FBXO25: variants seen among roughly 807,000 people sequenced by gnomAD.
FBXO25 encodes the protein F-box protein 25, also known as F-box only protein 25.
A neutral mutation model predicts 51.9 loss-of-function variants in FBXO25; 45 were observed. The observed-to-expected ratio is 0.87, with a 90% CI of 0.68 to 1.11. FBXO25 has a LOEUF of 1.11. Ranked by LOEUF, FBXO25 falls within the 50% of genes most tolerant of loss-of-function variation. The pLI is 0.00. For missense variants in FBXO25, 507 were observed against 428.5 expected (o/e 1.18, Z -1.62); for synonymous variants, 199 against 151.0 (o/e 1.32, Z -2.33).
Position 471,148 on chromosome 8 carries a change from T to C in FBXO25, c.*2344T>C, listed in dbSNP as rs1411003568. 2 of 152,214 alleles carry C rather than the reference T, an allele frequency of 1.3e-5. No homozygotes were observed. Among genetic ancestry groups the C allele is most frequent in the African/African-American group, 4.8e-5 (2 of 41,446 alleles). The allele number at this position is 152,214 out of a possible 1,614,324, so 9.4% of individuals were successfully genotyped here. A position where few individuals can be genotyped will look rare whatever the true frequency, so the allele number is the denominator to read the frequency against. On this transcript the variant is annotated 3_prime_UTR_variant, in exon 10 of 10. Coordinates refer to ENST00000350302, the MANE Select transcript of FBXO25 (RefSeq NM_183420.2). ...CAGCTGTTCTGCTGGGCTGGCATAT[T>C]TCCACAGGCCATGGACACAGCTAGC...
chr8:421,183 G>T (rs1053072603), intron 2 of FBXO25, among the ~76,000 whole-genome samples: 1 of 152,204 alleles, frequency 6.6e-6, no homozygotes, highest in Non-Finnish European at 1.5e-5. Context: ...AACTGTGTAT[G>T]TGAATGATCT....
intron 4 of FBXO25, 188 bp from the exon 5 acceptor site, chr8:435,427 C>T (rs1798046169): frequency 2.9e-6 from 2 of 687,290 alleles, no homozygotes; most frequent in Admixed American, 3.4e-5. Context: ...CTCAGGTATA[C>T]ATAAACAGCT....
At chr8:452,929 T>C (rs982810648) in intron 7 of FBXO25, among the ~76,000 whole-genome samples, 2 of 152,140 alleles carry the variant, frequency 1.3e-5, no homozygotes, top group African/African-American at 2.4e-5. Context: ...GGATCTTCTT[T>C]CCATTCATAC....
At chr8:433,148 C>T (rs1797913202) in intron 4 of FBXO25, among the ~76,000 whole-genome samples, 1 of 151,896 alleles carries the variant, frequency 6.6e-6, no homozygotes, top group Non-Finnish European at 1.5e-5. Flanking sequence ...TGGTATGTGG[C>T]TGTGTATTTG....
chr8:449,492 G>A (rs1798943342), intron 5 of FBXO25, among the ~76,000 whole-genome samples: 1 of 152,206 alleles, frequency 6.6e-6, no homozygotes, highest in Admixed American at 6.5e-5. Context: ...ATACAAAATG[G>A]TATTTAACAA....
intron 2 of FBXO25, among the ~76,000 whole-genome samples, chr8:423,120 C>T (rs566373305): frequency 1.2e-4 from 17 of 147,336 alleles, no homozygotes; most frequent in African/African-American, 3.7e-4. Flanking sequence ...CTCTTTTTCC[C>T]ATACTAAATT....
chr8:418,636 G>A (rs1326824872), intron 2 of FBXO25, among the ~76,000 whole-genome samples: 1 of 151,864 alleles, frequency 6.6e-6, no homozygotes, highest in Non-Finnish European at 1.5e-5. Context: ...CACCGTTCCC[G>A]GCTTGTTTCT....
intron 9 of FBXO25, among the ~76,000 whole-genome samples, chr8:465,802 A>G (rs1800117545): frequency 1.3e-5 from 2 of 152,204 alleles, no homozygotes; most frequent in Non-Finnish European, 2.9e-5. Flanking sequence ...TTTGGATTAC[A>G]GGTGCTCCAT....
chr8:454,784 G>C (rs566560349), intron 7 of FBXO25, among the ~76,000 whole-genome samples: 1 of 151,824 alleles, frequency 6.6e-6, no homozygotes, highest in South Asian at 2.1e-4. Flanking sequence ...CCAGCTACTT[G>C]GGAGGCTGAG....
At chr8:411,883 G>T (rs1188293676) in intron 1 of FBXO25, among the ~76,000 whole-genome samples, 4 of 152,174 alleles carry the variant, frequency 2.6e-5, no homozygotes, top group Non-Finnish European at 5.9e-5. Flanking sequence ...CTGTGTATGA[G>T]AATCACCTGT....
intron 8 of FBXO25, among the ~76,000 whole-genome samples, chr8:462,197 A>G (rs1250828509): frequency 6.6e-6 from 1 of 152,202 alleles, no homozygotes; most frequent in Non-Finnish European, 1.5e-5. Flanking sequence ...TCTAGTGGGC[A>G]GGAAGTGGGT....
rs1799645127 is a variant in FBXO25, at chr8:459,130, G to A, written c.843+579G>A. 1.3e-5 allele frequency among the ~76,000 whole-genome samples: 2 copies of A among 152,230 alleles called. 1 individual carries two copies. The highest frequency in any genetic ancestry group is 1.3e-4 in the Admixed American group (2 of 15,290). On this transcript the variant is annotated intron_variant, in intron 8 of 9. Transcript: ENST00000350302. ...CTGTGGTCCCTGTTCCTGGGCCTCT[G>A]CAGAAACTGGGGGTTCCCCTCGTCA...
At chr8:431,568 G>C (rs373891559) in intron 3 of FBXO25, 124 bp downstream of exon 3, 16 of 524,702 alleles carry the variant, frequency 3.0e-5, no homozygotes, top group Non-Finnish European at 4.6e-5. Context: ...CCAGTATCCA[G>C]CATTGCCTAC....
At chr8:455,758 TG>T (rs1799382833) in intron 7 of FBXO25, among the ~76,000 whole-genome samples, 1 of 152,188 alleles carries the variant, frequency 6.6e-6, no homozygotes, top group East Asian at 1.9e-4. Flanking sequence ...AGAGATTTCA[TG>T]ATGGCAGAGA....
At chr8:459,197 C>T (rs892716675) in intron 8 of FBXO25, among the ~76,000 whole-genome samples, 5 of 152,228 alleles carry the variant, frequency 3.3e-5, no homozygotes, top group Admixed American at 2.0e-4. Flanking sequence ...CAGGGCTGGT[C>T]GCAGCCAGAG....
intron 9 of FBXO25, among the ~76,000 whole-genome samples, chr8:463,922 G>A (rs1408518601): frequency 1.3e-5 from 2 of 152,050 alleles, no homozygotes; most frequent in African/African-American, 4.8e-5. Context: ...TCAAGTAGCT[G>A]GGACTACAGG....
intron 7 of FBXO25, among the ~76,000 whole-genome samples, chr8:454,644 C>A (rs1462402013): frequency 1.3e-5 from 2 of 152,162 alleles, no homozygotes; most frequent in African/African-American, 2.4e-5. Flanking sequence ...GTAGTCCCAG[C>A]ACTTTGGGAG....
At chr8:416,028 C>G (rs1796778327) in intron 2 of FBXO25, among the ~76,000 whole-genome samples, 1 of 152,214 alleles carries the variant, frequency 6.6e-6, no homozygotes, top group South Asian at 2.1e-4. Flanking sequence ...ACGCATTCAG[C>G]TCAGTCTTGG....
chr8:451,483 C>T, intron 7 of FBXO25, 30 bp downstream of exon 7: 1 of 1,587,154 alleles, frequency 6.3e-7, no homozygotes, highest in Non-Finnish European at 8.6e-7. Context: ...AGAGTTATTA[C>T]ACTCTGTTTT....
Sources: gnomAD v4.1 joint callset for allele counts (sites outside exome capture counted in the v4.1 genomes callset) on GRCh38, gnomAD v4.1.1 for gene constraint, MANE v1.5 for transcripts, NCBI Gene and HGNC (gene_info 2026-07-23, HGNC 2026-07-21) for gene names.